Variants in ADAM18 observed in about 807,000 individuals in gnomAD.
ADAM18 encodes ADAM metallopeptidase domain 18.
A neutral mutation model predicts 94.4 loss-of-function variants in ADAM18; 117 were observed. The observed-to-expected ratio is 1.24, with a 90% CI of 1.07 to 1.45. The LOEUF (loss-of-function observed/expected upper bound fraction) is 1.45, where lower values mean the gene tolerates loss of function less well. Ranked by LOEUF, ADAM18 falls within the 40% of genes most tolerant of loss-of-function variation. The probability of loss-of-function intolerance (pLI) is 0.00; values close to 1 mark genes in which losing one functional copy is unlikely to be tolerated. For synonymous variants in ADAM18, 327 were observed against 291.6 expected (o/e 1.12, Z -1.24); for missense variants, 936 against 880.0 (o/e 1.06, Z -0.81).
chr8:39,637,865 T>A (rs1276442057), intron 9 of ADAM18, among the ~76,000 whole-genome samples, 162 bp downstream of exon 9: 4 of 152,036 alleles, frequency 2.6e-5, no homozygotes, highest in Non-Finnish European at 4.4e-5. Flanking sequence ...AAAAATATAA[T>A]AAAAGTAACA....
At chr8:39,721,144 A>G (rs1383048750) in intron 18 of ADAM18, among the ~76,000 whole-genome samples, 2 of 151,484 alleles carry the variant, frequency 1.3e-5, no homozygotes, top group African/African-American at 4.8e-5. Context: ...TTCCATTTAT[A>G]TAACATTTAA....
At chr8:39,637,060 T>C (rs1213393695) in intron 7 of ADAM18, among the ~76,000 whole-genome samples, 1 of 142,484 alleles carries the variant, frequency 7.0e-6, no homozygotes, top group Non-Finnish European at 1.5e-5. Context: ...TATATATATA[T>C]ATATATGTAT....
At chr8:39,706,257 T>G (rs1426390831) in intron 17 of ADAM18, among the ~76,000 whole-genome samples, 1 of 152,148 alleles carries the variant, frequency 6.6e-6, no homozygotes, top group East Asian at 1.9e-4. Flanking sequence ...GCACGTATGT[T>G]ATTTTATTAT....
intron 6 of ADAM18, among the ~76,000 whole-genome samples, chr8:39,615,557 G>A (rs1819412030): frequency 6.6e-6 from 1 of 152,086 alleles, no homozygotes; most frequent in Non-Finnish European, 1.5e-5. Context: ...GGTATTGAAG[G>A]AACATACTTC....
intron 2 of ADAM18, among the ~76,000 whole-genome samples, chr8:39,587,742 A>C (rs998016175): frequency 2.0e-5 from 3 of 152,102 alleles, no homozygotes; most frequent in African/African-American, 7.2e-5. Flanking sequence ...CACCACACCC[A>C]CCTATTTTAG....
intron 17 of ADAM18, among the ~76,000 whole-genome samples, chr8:39,704,570 AG>A (rs1273887811): frequency 6.6e-6 from 1 of 152,156 alleles, no homozygotes; most frequent in Non-Finnish European, 1.5e-5. Context: ...CCTAATACAA[AG>A]TAAATTCTAT....
At chr8:39,588,122 A>G (rs1050954049) in intron 2 of ADAM18, among the ~76,000 whole-genome samples, 75 of 152,244 alleles carry the variant, frequency 4.9e-4, no homozygotes, top group African/African-American at 1.7e-3. Flanking sequence ...ACTGGTTTTC[A>G]TAATGGCTGC....
intron 2 of ADAM18, among the ~76,000 whole-genome samples, chr8:39,596,854 G>A (rs1427370895): frequency 2.0e-5 from 3 of 152,048 alleles, no homozygotes; most frequent in South Asian, 2.1e-4. Flanking sequence ...CAGTGTTTGC[G>A]TTTTGACTAT....
rs1819393030 is a variant in ADAM18 at position 39,614,905 on chromosome 8, A to T, written c.522+4199A>T. Among the ~76,000 whole-genome samples the T allele has an allele frequency of 1.3e-5, 2 of 152,210 alleles. 1 individual carries two copies. Among genetic ancestry groups the T allele is most frequent in the South Asian group, 4.1e-4 (2 of 4,834 alleles). Reference sequence around the variant, plus strand: ...AGGGTTCATATCAACAAGAAGATTTAACTATCCTAAACAGATTTTCACTTA... The same window carrying T: ...AGGGTTCATATCAACAAGAAGATTTTACTATCCTAAACAGATTTTCACTTA... On this transcript the variant is annotated intron_variant, in intron 6 of 19. Coordinates refer to ENST00000265707, the MANE Select transcript of ADAM18 (RefSeq NM_014237.3).
At chr8:39,697,480 G>A (rs1017573285) in intron 17 of ADAM18, among the ~76,000 whole-genome samples, 2 of 151,534 alleles carry the variant, frequency 1.3e-5, no homozygotes, top group South Asian at 2.1e-4. Flanking sequence ...TTTCTTGAAT[G>A]ACTGGTTGAT....
At chr8:39,683,138 A>T (rs1020173583) in intron 16 of ADAM18, among the ~76,000 whole-genome samples, 1 of 152,238 alleles carries the variant, frequency 6.6e-6, no homozygotes, top group Non-Finnish European at 1.5e-5. Flanking sequence ...TTCATTGCTT[A>T]CTTGGATGAA....
At chr8:39,681,061 G>A (rs932803645) in intron 16 of ADAM18, among the ~76,000 whole-genome samples, 3 of 152,158 alleles carry the variant, frequency 2.0e-5, no homozygotes, top group Admixed American at 6.5e-5. Flanking sequence ...CCTGTGGACT[G>A]CATCTAATGA....
intron 16 of ADAM18, among the ~76,000 whole-genome samples, chr8:39,690,834 CCCAA>C (rs1014034515): frequency 2.0e-5 from 3 of 152,176 alleles, no homozygotes; most frequent in Non-Finnish European, 4.4e-5. Context: ...TACCATTTGA[CCCAA>C]CCATCCCACT....
At chr8:39,715,018 A>G (rs1354325770) in intron 18 of ADAM18, among the ~76,000 whole-genome samples, 2 of 152,070 alleles carry the variant, frequency 1.3e-5, no homozygotes, top group Non-Finnish European at 2.9e-5. Context: ...CAATGAGAGC[A>G]GAATAAACAT....
At chr8:39,680,016 C>T in intron 15 of ADAM18, 21 bp from the exon 16 acceptor site, 2 of 1,611,876 alleles carry the variant, frequency 1.2e-6, no homozygotes, top group Non-Finnish European at 1.7e-6. Flanking sequence ...TGATAAGGAA[C>T]TTTTTGCTTT....
At chr8:39,723,637 C>G (rs1252549868) in intron 18 of ADAM18, 111 bp from the exon 19 acceptor site, 1 of 675,836 alleles carries the variant, frequency 1.5e-6, no homozygotes, top group Non-Finnish European at 2.2e-6. Flanking sequence ...TAGTAGTTTG[C>G]AATGCATTAA....
At chr8:39,656,647 T>C (rs1820691377) in intron 12 of ADAM18, among the ~76,000 whole-genome samples, 1 of 152,180 alleles carries the variant, frequency 6.6e-6, no homozygotes, top group African/African-American at 2.4e-5. Context: ...GGGTAGATTA[T>C]ACAATAGGAG....
At chr8:39,706,259 T>C (rs1174812424) in intron 17 of ADAM18, among the ~76,000 whole-genome samples, 1 of 152,124 alleles carries the variant, frequency 6.6e-6, no homozygotes, top group East Asian at 1.9e-4. Context: ...ACGTATGTTA[T>C]TTTATTATGG....
At position 39,638,510 on chromosome 8, in the gene ADAM18, T is replaced by C. The variant is rs12708194; in HGVS notation, c.873T>C (p.Thr291=). ...ATGTGGGAGCAACATTTCCTGGCAC[T>C]GTATGCAATAAAAGCTATGATGCAG... ...PKYVGATFPG[T]VCNKSYDAGI... The change falls in exon 10 of 20, where the codon ACT becomes ACC. Residue 291 remains threonine, a synonymous_variant. Coordinates refer to ENST00000265707, the MANE Select transcript of ADAM18 (RefSeq NM_014237.3). 0.64 allele frequency: 1,004,104 copies of C among 1,558,642 alleles called. 328,736 individuals are homozygous for C. Among genetic ancestry groups the C allele is most frequent in the African/African-American group, 0.73 (53,404 of 72,772 alleles).
Sources: gnomAD v4.1 joint callset for allele counts (sites outside exome capture counted in the v4.1 genomes callset) on GRCh38, gnomAD v4.1.1 for gene constraint, MANE v1.5 for transcripts, NCBI Gene and HGNC (gene_info 2026-07-23, HGNC 2026-07-21) for gene names.